The following ZNF804A variants were observed in gnomAD, a reference collection of about 807,000 sequenced individuals.
ZNF804A encodes the protein zinc finger protein 804A.
ZNF804A carries 2 observed loss-of-function variants against 16.5 expected under a neutral mutation model. That is an observed-to-expected ratio of 0.12 (90% CI 0.05 to 0.38). The LOEUF (loss-of-function observed/expected upper bound fraction) is 0.38, where lower values mean the gene tolerates loss of function less well. Among genes scored for constraint, ZNF804A ranks in the 10% least tolerant of loss-of-function variants. The pLI is 0.99. For missense variants in ZNF804A, 1,473 were observed against 1,390.7 expected (o/e 1.06, Z -0.94); for synonymous variants, 534 against 489.6 (o/e 1.09, Z -1.20).
chr2:184,759,656 A>G (rs1480929411), intron 1 of ZNF804A, among the ~76,000 whole-genome samples: 1 of 152,048 alleles, frequency 6.6e-6, no homozygotes, highest in Non-Finnish European at 1.5e-5. Flanking sequence ...GCCCAAGCTC[A>G]TATCCCCTGT....
rs75611760 is a variant in ZNF804A at position 184,865,302 on chromosome 2, A to G, written c.112-1067A>G. ...ATGAATAATGTTTACACACGGAAACATTGTCCAATTTTCACTTATTCAGTG... is the reference window on the plus strand; with the variant it reads ...ATGAATAATGTTTACACACGGAAACGTTGTCCAATTTTCACTTATTCAGTG... On this transcript the variant is annotated intron_variant, in intron 1 of 3. Coordinates refer to ENST00000302277, the MANE Select transcript of ZNF804A (RefSeq NM_194250.2). Among the ~76,000 whole-genome samples, 523 of 152,076 alleles carry G rather than the reference A, an allele frequency of 3.4e-3. 2 individuals are homozygous for G. Among genetic ancestry groups the G allele is most frequent in the African/African-American group, 0.012 (493 of 41,526 alleles).
At chr2:184,846,995 T>A (rs1294546911) in intron 1 of ZNF804A, among the ~76,000 whole-genome samples, 1 of 152,158 alleles carries the variant, frequency 6.6e-6, no homozygotes, top group Non-Finnish European at 1.5e-5. Flanking sequence ...ATAGTTTTTA[T>A]CAGCTAAATA....
At chr2:184,721,873 G>A (rs1693321694) in intron 1 of ZNF804A, among the ~76,000 whole-genome samples, 1 of 152,072 alleles carries the variant, frequency 6.6e-6, no homozygotes, top group Non-Finnish European at 1.5e-5. Flanking sequence ...TAAAGGAAAT[G>A]TGATATATAT....
chr2:184,829,781 G>T (rs1405634765), intron 1 of ZNF804A, among the ~76,000 whole-genome samples: 3 of 150,058 alleles, frequency 2.0e-5, no homozygotes, highest in African/African-American at 7.3e-5. Context: ...AAGAAAATAG[G>T]CTGGGTGTAG....
chr2:184,929,135 C>T (rs1387880024), intron 2 of ZNF804A, among the ~76,000 whole-genome samples: 1 of 152,180 alleles, frequency 6.6e-6, no homozygotes, highest in Non-Finnish European at 1.5e-5. Flanking sequence ...TTTAAATTTA[C>T]ATTTTAAATA....
At chr2:184,854,728 G>T (rs1391870417) in intron 1 of ZNF804A, among the ~76,000 whole-genome samples, 1 of 152,050 alleles carries the variant, frequency 6.6e-6, no homozygotes, top group African/African-American at 2.4e-5. Context: ...GTGATCAACA[G>T]AAGTTAATGA....
At chr2:184,685,861 T>C (rs1692619584) in intron 1 of ZNF804A, among the ~76,000 whole-genome samples, 1 of 152,160 alleles carries the variant, frequency 6.6e-6, no homozygotes, top group African/African-American at 2.4e-5. Context: ...CCCTCCACCA[T>C]CAACATCCAG....
At chr2:184,930,883 G>T (rs889007714) in intron 2 of ZNF804A, among the ~76,000 whole-genome samples, 1 of 152,106 alleles carries the variant, frequency 6.6e-6, no homozygotes, top group East Asian at 1.9e-4. Context: ...TCATTCTCAT[G>T]CTGCTAATAA....
At chr2:184,858,036 C>A (rs1423067422) in intron 1 of ZNF804A, among the ~76,000 whole-genome samples, 1 of 151,976 alleles carries the variant, frequency 6.6e-6, no homozygotes, top group African/African-American at 2.4e-5. Flanking sequence ...TTGTTTCTTT[C>A]TTCTACTCTC....
At chr2:184,933,211 A>G (rs770203835) in intron 2 of ZNF804A, among the ~76,000 whole-genome samples, 5 of 152,096 alleles carry the variant, frequency 3.3e-5, no homozygotes, top group Non-Finnish European at 7.4e-5. Context: ...ACATCAAAAT[A>G]TAAGAAAACA....
intron 2 of ZNF804A, among the ~76,000 whole-genome samples, chr2:184,872,355 C>A (rs1231683264): frequency 2.0e-5 from 3 of 152,060 alleles, no homozygotes; most frequent in Admixed American, 1.3e-4. Flanking sequence ...AAATGAACAA[C>A]AAAATAGGGG....
In ZNF804A at chr2:184,937,893, G is replaced by T; in HGVS notation, c.2497G>T (p.Asp833Tyr). 6.2e-7 allele frequency: 1 copy of T among 1,614,084 alleles called. No individual in the cohort carries two copies. The highest frequency in any genetic ancestry group is 8.5e-7 in the Non-Finnish European group (1 of 1,179,996). Residue 833 changes from aspartate (D) to tyrosine (Y), a missense_variant, in exon 4 of 4, where the codon GAT (aspartate) becomes TAT (tyrosine). By Grantham distance (160) the Asp-to-Tyr change is radical. Coordinates refer to ENST00000302277, the MANE Select transcript of ZNF804A (RefSeq NM_194250.2). ...AACTTTAGAACTCAAAGAAAATACA[G>T]ATTATCCCGTGAAAGACAATTCTTC... ...FETLELKENTDYPVKDNSSLN... is the reference protein window; with the variant it reads ...FETLELKENTYYPVKDNSSLN...
At chr2:184,738,871 A>G (rs1227004460) in intron 1 of ZNF804A, among the ~76,000 whole-genome samples, 1 of 152,226 alleles carries the variant, frequency 6.6e-6, no homozygotes, top group African/African-American at 2.4e-5. Context: ...TTGCAGATAT[A>G]AAACACTTCT....
rs147307669 is a variant in ZNF804A, at chr2:184,938,669, T to C, written c.3273T>C (p.Cys1091=). 6.4e-5 allele frequency: 103 copies of C among 1,613,824 alleles called. No individual in the cohort carries two copies. The highest frequency in any genetic ancestry group is 8.1e-5 in the Non-Finnish European group (95 of 1,179,954). Residue 1091 remains cysteine, a synonymous_variant, in exon 4 of 4, where the codon TGT becomes TGC. Transcript: ENST00000302277. ...LQPLPLQQSL[C]STSVTTIHHT... ...CTTTGCCTTTGCAGCAGTCCTTATG[T>C]TCTACCTCTGTAACCACTATCCATC...
intron 1 of ZNF804A, among the ~76,000 whole-genome samples, chr2:184,640,045 T>A (rs1026426934): frequency 7.2e-5 from 11 of 151,782 alleles, no homozygotes; most frequent in Non-Finnish European, 1.0e-4. Context: ...TAAAAAAAAA[T>A]AGAGATCAAG....
chr2:184,905,244 A>G (rs1685251841), intron 2 of ZNF804A, among the ~76,000 whole-genome samples: 1 of 152,092 alleles, frequency 6.6e-6, no homozygotes, highest in Non-Finnish European at 1.5e-5. Flanking sequence ...GATTCAAAGC[A>G]CTTCCTTTTA....
chr2:184,651,787 A>C (rs888914266), intron 1 of ZNF804A, among the ~76,000 whole-genome samples: 1 of 152,158 alleles, frequency 6.6e-6, no homozygotes, highest in Non-Finnish European at 1.5e-5. Flanking sequence ...AATTCAAAAA[A>C]TAATAGATGC....
chr2:184,932,012 A>G (rs974979618), intron 2 of ZNF804A, among the ~76,000 whole-genome samples: 1 of 152,128 alleles, frequency 6.6e-6, no homozygotes, highest in African/African-American at 2.4e-5. Flanking sequence ...ACAGAGTAAC[A>G]TTTATTCCAG....
At chr2:184,820,808 C>T (rs922015912) in intron 1 of ZNF804A, among the ~76,000 whole-genome samples, 14 of 152,122 alleles carry the variant, frequency 9.2e-5, no homozygotes, top group African/African-American at 3.1e-4. Context: ...AATGAACTCT[C>T]ATTCACAACT....
Sources: allele counts gnomAD v4.1 joint callset (sites outside exome capture counted in the v4.1 genomes callset), GRCh38; gene constraint gnomAD v4.1.1; transcripts MANE v1.5; gene names NCBI Gene and HGNC (gene_info 2026-07-23, HGNC 2026-07-21).